The following ROBO1 variants were observed in gnomAD, a reference collection of about 807,000 sequenced individuals.
ROBO1 encodes the protein roundabout guidance receptor 1, also known as roundabout homolog 1.
ROBO1 carries 149 observed loss-of-function variants against 195.9 expected under a neutral mutation model. The observed-to-expected ratio is 0.76, with a 90% CI of 0.67 to 0.87. The LOEUF (loss-of-function observed/expected upper bound fraction) is 0.87. Ranked by LOEUF, ROBO1 falls within the 40% of genes least tolerant of loss-of-function variation. The pLI is 0.00. For synonymous variants in ROBO1, 816 were observed against 733.2 expected, an observed-to-expected ratio of 1.11 and a Z score of -1.82; for missense variants, 1,933 against 2,068.3, an observed-to-expected ratio of 0.93 and a Z score of 1.27.
chr3:78,854,147 C>A (rs2034251544), intron 4 of ROBO1, among the ~76,000 whole-genome samples: 1 of 151,744 alleles, frequency 6.6e-6, no homozygotes, highest in South Asian at 2.1e-4. Flanking sequence ...TTCCCTGAGT[C>A]CTTAATCTGT....
chr3:79,687,599 T>G (rs376326622), intron 1 of ROBO1, among the ~76,000 whole-genome samples: 6 of 152,026 alleles, frequency 3.9e-5, no homozygotes, highest in Non-Finnish European at 5.9e-5. Flanking sequence ...CATTTATGCA[T>G]CCAACAGACA....
chr3:78,719,723 C>T (rs1017686428), intron 5 of ROBO1, among the ~76,000 whole-genome samples: 1 of 152,128 alleles, frequency 6.6e-6, no homozygotes, highest in Non-Finnish European at 1.5e-5. Flanking sequence ...CTACATTTTA[C>T]CTAACTATTC....
intron 2 of ROBO1, among the ~76,000 whole-genome samples, chr3:79,455,525 A>C (rs2039590625): frequency 6.6e-6 from 1 of 152,138 alleles, no homozygotes. Context: ...TGTTTAAAGG[A>C]GACATTTAAA....
At chr3:79,561,836 G>A (rs1277044035) in intron 2 of ROBO1, among the ~76,000 whole-genome samples, 2 of 152,090 alleles carry the variant, frequency 1.3e-5, no homozygotes, top group Non-Finnish European at 2.9e-5. Context: ...ACGAATCACT[G>A]GGTTCAGAAA....
chr3:79,142,389 C>G (rs987520695), intron 2 of ROBO1, among the ~76,000 whole-genome samples: 32 of 152,042 alleles, frequency 2.1e-4, no homozygotes, highest in South Asian at 4.1e-4. Context: ...TTCTGGGAGT[C>G]AAGTGAGATG....
At chr3:78,760,109 C>T (rs1051835604) in intron 4 of ROBO1, among the ~76,000 whole-genome samples, 3 of 152,078 alleles carry the variant, frequency 2.0e-5, no homozygotes, top group African/African-American at 7.2e-5. Context: ...GGGGAAACCT[C>T]TTGCGCTTGG....
intron 2 of ROBO1, among the ~76,000 whole-genome samples, chr3:79,320,323 G>T (rs1362213294): frequency 6.6e-6 from 1 of 152,020 alleles, no homozygotes; most frequent in African/African-American, 2.4e-5. Context: ...CTTCCCAAAG[G>T]CCCCGTGATC....
At chr3:79,737,374 T>C (rs1703434250) in intron 1 of ROBO1, among the ~76,000 whole-genome samples, 1 of 152,164 alleles carries the variant, frequency 6.6e-6, no homozygotes, top group South Asian at 2.1e-4. Context: ...ATCCTCAATG[T>C]AATCAAATGC....
chr3:79,600,470 A>C (rs920097214), intron 1 of ROBO1, among the ~76,000 whole-genome samples: 1 of 151,948 alleles, frequency 6.6e-6, no homozygotes, highest in African/African-American at 2.4e-5. Context: ...GTGAGAGAAA[A>C]TTAGAGAAAC....
intron 3 of ROBO1, among the ~76,000 whole-genome samples, chr3:79,094,382 GAGTATA>G (rs2079528817): frequency 6.6e-6 from 1 of 152,088 alleles, no homozygotes; most frequent in Non-Finnish European, 1.5e-5. Flanking sequence ...AGAGTGGTGA[GAGTATA>G]AGTCAGAAAG....
intron 2 of ROBO1, among the ~76,000 whole-genome samples, chr3:79,419,994 C>A (rs1489169914): frequency 2.0e-5 from 3 of 151,972 alleles, no homozygotes; most frequent in Non-Finnish European, 4.4e-5. Flanking sequence ...CTCTAATAAG[C>A]TGTTGGAAAA....
At chr3:79,294,012 C>T (rs1195855342) in intron 2 of ROBO1, among the ~76,000 whole-genome samples, 11 of 134,026 alleles carry the variant, frequency 8.2e-5, no homozygotes, top group Non-Finnish European at 1.1e-4. Context: ...GAGCCGAGAT[C>T]GCGCCACTGC....
At chr3:78,967,521 G>A (rs1462111530) in intron 3 of ROBO1, among the ~76,000 whole-genome samples, 1 of 152,048 alleles carries the variant, frequency 6.6e-6, no homozygotes, top group East Asian at 1.9e-4. Flanking sequence ...AAGAAACTGG[G>A]CACTGAAGTC....
intron 2 of ROBO1, among the ~76,000 whole-genome samples, chr3:79,176,427 A>G (rs187162168): frequency 6.6e-6 from 1 of 152,298 alleles, no homozygotes; most frequent in Admixed American, 6.5e-5. Flanking sequence ...TATTTAAAAT[A>G]ATTTGTAGGC....
chr3:78,813,703 A>T (rs2108639850), intron 4 of ROBO1, among the ~76,000 whole-genome samples: 1 of 152,180 alleles, frequency 6.6e-6, no homozygotes, highest in East Asian at 1.9e-4. Context: ...TCTAGAGTCA[A>T]TTCTCAATGA....
At chr3:79,269,761 C>T (rs2030349759) in intron 2 of ROBO1, among the ~76,000 whole-genome samples, 2 of 151,704 alleles carry the variant, frequency 1.3e-5, no homozygotes, top group Non-Finnish European at 3.0e-5. Flanking sequence ...GGAATATGAG[C>T]TGCAGATGTG....
intron 26 of ROBO1, among the ~76,000 whole-genome samples, chr3:78,626,139 C>CA (rs900948646): frequency 2.6e-5 from 4 of 151,510 alleles, no homozygotes; most frequent in South Asian, 2.1e-4. Context: ...GACAAGGGAA[C>CA]AAAAAAAACA....
chr3:78,648,152 G>T (rs1033257052), intron 19 of ROBO1, among the ~76,000 whole-genome samples: 2 of 151,332 alleles, frequency 1.3e-5, no homozygotes, highest in East Asian at 3.9e-4. Context: ...GGAAAGGCAA[G>T]GAAAGGGGAA....
chr3:79,526,252 A>T (rs909851307), intron 2 of ROBO1, among the ~76,000 whole-genome samples: 1 of 152,254 alleles, frequency 6.6e-6, no homozygotes, highest in Non-Finnish European at 1.5e-5. Flanking sequence ...TTGCAGAATG[A>T]AACTAACAAA....
Sources: gnomAD v4.1 joint callset for allele counts (sites outside exome capture counted in the v4.1 genomes callset) on GRCh38, gnomAD v4.1.1 for gene constraint, MANE v1.5 for transcripts, NCBI Gene and HGNC (gene_info 2026-07-23, HGNC 2026-07-21) for gene names.